The following EBF1 variants were observed in gnomAD, a reference collection of about 807,000 sequenced individuals.
EBF1 encodes the protein transcription factor COE1.
A neutral mutation model predicts 68.4 loss-of-function variants in EBF1; 10 were observed. That is an observed-to-expected ratio of 0.15 (90% CI 0.09 to 0.25). EBF1 has a LOEUF of 0.25. Ranked by LOEUF, EBF1 falls within the 10% of genes least tolerant of loss-of-function variation. The pLI is 1.00. For missense variants in EBF1, 509 were observed against 794.4 expected (o/e 0.64, Z 4.32); for synonymous variants, 298 against 299.8 (o/e 0.99, Z 0.06).
In EBF1 at chr5:158,712,176, T is replaced by C. The variant is rs775195432; in HGVS notation, c.1527A>G (p.Ser509=). ...TACTGGCATAGGGGGAGTTGGCAGCTGAGCCGTTGAGGAAGGTGGGGGAGC... is the reference window on the plus strand; with the variant it reads ...TACTGGCATAGGGGGAGTTGGCAGCCGAGCCGTTGAGGAAGGTGGGGGAGC... ...LGGSPTFLNG[S]AANSPYAIVP... The change falls in exon 14 of 16, where the codon TCA becomes TCG. Residue 509 remains serine (S), a synonymous_variant. Transcript: ENST00000313708. 6 of 1,613,890 alleles carry C rather than the reference T, an allele frequency of 3.7e-6. No individual in the cohort carries two copies. The highest frequency in any genetic ancestry group is 2.2e-5 in the South Asian group (2 of 90,952).
chr5:159,097,695 G>A (rs990743902), intron 1 of EBF1: 4 of 233,962 alleles, frequency 1.7e-5, no homozygotes, highest in Non-Finnish European at 2.5e-5. Context: ...AGAAGGGTCC[G>A]AGGGCGGGGC....
At chr5:158,968,988 G>A (rs930121344) in intron 6 of EBF1, among the ~76,000 whole-genome samples, 1 of 152,166 alleles carries the variant, frequency 6.6e-6, no homozygotes, top group Non-Finnish European at 1.5e-5. Flanking sequence ...GGATACCACT[G>A]AAAATACAAA....
chr5:158,786,974 A>G (rs1264219667), intron 9 of EBF1, among the ~76,000 whole-genome samples: 2 of 152,146 alleles, frequency 1.3e-5, no homozygotes, highest in Non-Finnish European at 2.9e-5. Context: ...TCACTCTAAC[A>G]TTTTTTGTGG....
At chr5:158,752,502 C>T (rs539286083) in intron 10 of EBF1, among the ~76,000 whole-genome samples, 71 of 152,036 alleles carry the variant, frequency 4.7e-4, no homozygotes, top group African/African-American at 1.7e-3. Flanking sequence ...TTTCTCCTAC[C>T]CAGTAGAGCG....
chr5:158,993,303 C>T (rs1236533842), intron 6 of EBF1, among the ~76,000 whole-genome samples: 3 of 152,170 alleles, frequency 2.0e-5, no homozygotes, highest in African/African-American at 7.2e-5. Flanking sequence ...CCACCTCAGC[C>T]TCCCAAAGTG....
intron 8 of EBF1, among the ~76,000 whole-genome samples, chr5:158,822,328 G>A (rs572911831): frequency 6.6e-6 from 1 of 151,720 alleles, no homozygotes; most frequent in East Asian, 1.9e-4. Flanking sequence ...ATGGATAGAT[G>A]GATAGATAGA....
At chr5:158,941,231 T>C (rs1030705553) in intron 6 of EBF1, 12 of 455,822 alleles carry the variant, frequency 2.6e-5, no homozygotes, top group Non-Finnish European at 5.3e-5. Flanking sequence ...TGAGGAAGAA[T>C]GATAATGTGA....
intron 6 of EBF1, among the ~76,000 whole-genome samples, chr5:159,057,104 C>CTTTTTTTTTTTTTTTTTT (rs1205129627): frequency 1.2e-4 from 13 of 110,632 alleles, no homozygotes; most frequent in Non-Finnish European, 1.9e-4. Flanking sequence ...CTTTTCTTTT[C>CTTTTTTTTTTTTTTTTTT]TTTTTTTTTT....
At chr5:158,776,955 T>C (rs1194083851) in intron 10 of EBF1, among the ~76,000 whole-genome samples, 1 of 152,126 alleles carries the variant, frequency 6.6e-6, no homozygotes, top group Non-Finnish European at 1.5e-5. Flanking sequence ...AGGACAAAAA[T>C]GCAGCATACT....
chr5:158,780,487 A>T (rs1021849553), intron 9 of EBF1, among the ~76,000 whole-genome samples: 5 of 152,220 alleles, frequency 3.3e-5, no homozygotes, highest in Non-Finnish European at 7.4e-5. Context: ...TACATACTTA[A>T]TAATTTAAAA....
At chr5:159,052,898 C>T (rs552311834) in intron 6 of EBF1, among the ~76,000 whole-genome samples, 1 of 152,296 alleles carries the variant, frequency 6.6e-6, no homozygotes, top group South Asian at 2.1e-4. Context: ...CAACCAACTG[C>T]ACAGCTGTCT....
intron 6 of EBF1, among the ~76,000 whole-genome samples, chr5:159,035,958 T>A (rs1584142988): frequency 6.6e-6 from 1 of 152,316 alleles, no homozygotes; most frequent in East Asian, 1.9e-4. Context: ...AAAAGGGAAG[T>A]TCTCCTTTCC....
chr5:159,047,703 C>T (rs1158723042), intron 6 of EBF1, among the ~76,000 whole-genome samples: 1 of 152,184 alleles, frequency 6.6e-6, no homozygotes, highest in African/African-American at 2.4e-5. Context: ...TACCTCTTCT[C>T]ATGCCCTTCA....
In EBF1 at chr5:158,697,802, A is replaced by G. The variant is rs1755986636; in HGVS notation, c.*1309T>C. The G allele has an allele frequency of 4.8e-6, 1 of 209,960 alleles. No homozygotes were observed. Among genetic ancestry groups the G allele is most frequent in the Non-Finnish European group, 9.7e-6 (1 of 103,400 alleles). The allele number at this position is 209,960 out of a possible 1,614,324, so 13.0% of individuals were successfully genotyped here. A position where few individuals can be genotyped will look rare whatever the true frequency, so the allele number is the denominator to read the frequency against. On this transcript the variant is annotated 3_prime_UTR_variant, in exon 16 of 16. Coordinates refer to ENST00000313708, the MANE Select transcript of EBF1 (RefSeq NM_024007.5). ...TTATAACTACATACAAAAACACAAG[A>G]GCAAAGAAAAAAATATCAGGCAAAT...
At chr5:158,857,182 T>C (rs1053508251) in intron 6 of EBF1, among the ~76,000 whole-genome samples, 6 of 151,698 alleles carry the variant, frequency 4.0e-5, no homozygotes, top group African/African-American at 1.5e-4. Flanking sequence ...CCCCTTCTGC[T>C]TGGCCAACTC....
chr5:158,793,900 T>C (rs906861901), intron 9 of EBF1, among the ~76,000 whole-genome samples: 1 of 152,088 alleles, frequency 6.6e-6, no homozygotes, highest in African/African-American at 2.4e-5. Flanking sequence ...AACCTAAATA[T>C]AGAAATAGTT....
At chr5:158,727,959 C>T (rs1035567481) in intron 11 of EBF1, among the ~76,000 whole-genome samples, 4 of 152,194 alleles carry the variant, frequency 2.6e-5, no homozygotes, top group Non-Finnish European at 4.4e-5. Context: ...TATTCACAAA[C>T]ACATGGGTTT....
At chr5:158,907,498 C>T (rs1804909996) in intron 6 of EBF1, among the ~76,000 whole-genome samples, 1 of 152,114 alleles carries the variant, frequency 6.6e-6, no homozygotes, top group Non-Finnish European at 1.5e-5. Context: ...AACACATTAA[C>T]TCATCACTGA....
chr5:158,875,742 T>C (rs940863127), intron 6 of EBF1, among the ~76,000 whole-genome samples: 7 of 152,230 alleles, frequency 4.6e-5, no homozygotes, highest in South Asian at 4.1e-4. Context: ...AGAGTTAATA[T>C]TCATTTGAAT....
Sources: allele counts gnomAD v4.1 joint callset (sites outside exome capture counted in the v4.1 genomes callset), GRCh38; gene constraint gnomAD v4.1.1; transcripts MANE v1.5; gene names NCBI Gene and HGNC (gene_info 2026-07-23, HGNC 2026-07-21).